Variants in NAE1 observed in about 807,000 individuals in gnomAD.
NAE1 encodes NEDD8-activating enzyme E1 regulatory subunit.
A neutral mutation model predicts 88.0 loss-of-function variants in NAE1; 59 were observed. The observed-to-expected ratio is 0.67, with a 90% CI of 0.54 to 0.83. NAE1 has a LOEUF of 0.83. NAE1 is among the 40% of genes least tolerant of loss of function. The pLI, the probability that NAE1 is intolerant of heterozygous loss-of-function variation, is 0.00. For synonymous variants in NAE1, 186 were observed against 208.9 expected, an observed-to-expected ratio of 0.89 and a Z score of 0.95; for missense variants, 554 against 632.8, an observed-to-expected ratio of 0.88 and a Z score of 1.34.
intron 17 of NAE1, among the ~76,000 whole-genome samples, chr16:66,807,644 G>GA (rs397932750): frequency 0.32 from 45,285 of 139,536 alleles, 8,066 homozygotes; most frequent in East Asian, 0.61. Context: ...CGTCTCAAAA[G>GA]AAAAAAAAAA....
At chr16:66,821,047 C>A (rs1395544696) in intron 7 of NAE1, among the ~76,000 whole-genome samples, 1 of 152,042 alleles carries the variant, frequency 6.6e-6, no homozygotes, top group African/African-American at 2.4e-5. Flanking sequence ...CCAGCCTGGG[C>A]AACAAGAGCG....
intron 13 of NAE1, among the ~76,000 whole-genome samples, chr16:66,811,462 C>T (rs995692077): frequency 1.3e-5 from 2 of 152,092 alleles, no homozygotes; most frequent in African/African-American, 4.8e-5. Flanking sequence ...ACCTTTTTAG[C>T]ATTGCCATAG....
chr16:66,812,771 G>A (rs1321732234), intron 13 of NAE1, among the ~76,000 whole-genome samples: 11 of 151,040 alleles, frequency 7.3e-5, no homozygotes, highest in Admixed American at 4.0e-4. Context: ...CACCCGTCTC[G>A]GCCTCCCGAA....
intron 6 of NAE1, among the ~76,000 whole-genome samples, chr16:66,821,775 A>T (rs1012202154): frequency 4.6e-5 from 7 of 152,228 alleles, no homozygotes; most frequent in African/African-American, 1.7e-4. Context: ...TTTGGACAAG[A>T]GGGATGTGAA....
In NAE1 at chr16:66,813,701, AAAG is replaced by A; in HGVS notation, c.901-7_901-5del. Reference sequence around the variant, plus strand: ...CTAAAATCCAAAATGATGGAGTCTAAAAGAATAAGAAAAAATTAACATTAAGTG... The same window carrying A: ...CTAAAATCCAAAATGATGGAGTCTAAAATAAGAAAAAATTAACATTAAGTG... On this transcript the variant is annotated splice_polypyrimidine_tract_variant and splice_region_variant and intron_variant, in intron 12 of 19. Transcript: ENST00000290810. 2 of 1,611,634 alleles carry A rather than the reference AAAG, an allele frequency of 1.2e-6. No homozygotes were observed. The highest frequency in any genetic ancestry group is 1.7e-4 in the Middle Eastern group (1 of 6,052).
At chr16:66,825,446 CAAA>C (rs1232878853) in intron 3 of NAE1, among the ~76,000 whole-genome samples, 5 of 75,102 alleles carry the variant, frequency 6.7e-5, no homozygotes, top group Admixed American at 1.5e-4. Flanking sequence ...GACTCCGTCT[CAAA>C]AAAAAAAAAA....
At chr16:66,815,662 C>CT (rs80325903) in intron 11 of NAE1, among the ~76,000 whole-genome samples, 2,720 of 139,206 alleles carry the variant, frequency 0.02, 47 homozygotes, top group South Asian at 0.09. Flanking sequence ...CCAGCAAACA[C>CT]TTTTTTTTTT....
chr16:66,818,538 A>T lies in NAE1; in HGVS notation c.611T>A (p.Met204Lys), dbSNP rs555207416. The change falls in exon 8 of 20, where the codon ATG (methionine) becomes AAG (lysine). Residue 204 changes from methionine (M) to lysine (K), a missense_variant. By Grantham distance (95) the Met-to-Lys change is moderately conservative. Coordinates refer to ENST00000290810, the MANE Select transcript of NAE1 (RefSeq NM_003905.4). ...EHFQSYDLDH[M>K]EKKDHSHTPW... is the part of the protein sequence containing the mutation. ...ACACACACTACCAACCTTTTTTTCCATATGATCCAAATCATAGGACTGAAA... is the reference window on the plus strand; with the variant it reads ...ACACACACTACCAACCTTTTTTTCCTTATGATCCAAATCATAGGACTGAAA... 9 of 1,605,344 alleles carry T rather than the reference A, an allele frequency of 5.6e-6. No individual in the cohort carries two copies. Among genetic ancestry groups the T allele is most frequent in the Admixed American group, 5.2e-5 (3 of 57,854 alleles).
intron 1 of NAE1, 50 bp from the exon 2 acceptor site, chr16:66,826,830 A>G (rs759055536): frequency 2.0e-5 from 31 of 1,521,632 alleles, no homozygotes; most frequent in Non-Finnish European, 2.8e-5. Context: ...ATGAAAATAC[A>G]GCTTTCTTAT....
rs897198385 is a variant in NAE1 at position 66,828,059 on chromosome 16, A to G, written c.54-1279T>C. 8.7e-6 allele frequency: 14 copies of G among 1,613,510 alleles called. No homozygotes were observed. In the African/African-American group the frequency reaches 1.9e-4, roughly 22 times the overall value. ...CTCCATAAGGGCCCAGACAGCTGTC[A>G]AATGTATGGAGGAATCGCCTAGAAG... On this transcript the variant is annotated intron_variant, in intron 1 of 19. Coordinates refer to ENST00000290810, the MANE Select transcript of NAE1 (RefSeq NM_003905.4).
intron 14 of NAE1, 48 bp downstream of exon 14, chr16:66,810,649 G>C: frequency 6.6e-7 from 1 of 1,525,136 alleles, no homozygotes. Context: ...TTTCTGGCTG[G>C]AGTTACGTGC....
At chr16:66,812,949 G>C (rs1002035954) in intron 13 of NAE1, among the ~76,000 whole-genome samples, 25 of 149,024 alleles carry the variant, frequency 1.7e-4, no homozygotes, top group Non-Finnish European at 1.6e-4. Flanking sequence ...CAGCCTCCCG[G>C]GTAGCTGGGA....
intron 19 of NAE1, among the ~76,000 whole-genome samples, chr16:66,805,083 G>A (rs768463222): frequency 5.5e-4 from 84 of 152,132 alleles, no homozygotes; most frequent in Admixed American, 2.8e-3. Flanking sequence ...AGAACATATA[G>A]GTTTTGGACA....
chr16:66,829,754 G>C (rs1283682112), intron 1 of NAE1, among the ~76,000 whole-genome samples: 1 of 152,184 alleles, frequency 6.6e-6, no homozygotes, highest in African/African-American at 2.4e-5. Context: ...AGTACCCAAG[G>C]ACCCTCCTGA....
chr16:66,817,085 GA>G (rs1383439258), intron 9 of NAE1, 57 bp from the exon 10 acceptor site: 30 of 1,543,914 alleles, frequency 1.9e-5, no homozygotes, highest in East Asian at 1.9e-4. Context: ...TACAGAAATT[GA>G]AAGTCTAAAG....
At chr16:66,807,089 T>C (rs1377636903) in intron 17 of NAE1, among the ~76,000 whole-genome samples, 1 of 152,186 alleles carries the variant, frequency 6.6e-6, no homozygotes. Flanking sequence ...TCTTCTTGCA[T>C]GTCTAACTCA....
Position 66,823,176 on chromosome 16 carries a change from A to C in NAE1, c.401+51T>G. ...ATAGACTGTGCAAAGAAAATAAAAC[A>C]ATGCAAATCTAATAAGATTAAAATA... is the stretch of plus-strand genomic sequence containing the variant. On this transcript the variant is annotated intron_variant, in intron 6 of 19. Coordinates refer to ENST00000290810, the MANE Select transcript of NAE1 (RefSeq NM_003905.4). 6 of 1,189,860 alleles carry C rather than the reference A, an allele frequency of 5.0e-6. No homozygotes were observed. The South Asian group carries it at 8.6e-5, about 17-fold the overall frequency. 73.7% of individuals were successfully genotyped at this position (1,189,860 alleles called of 1,614,324 possible).
At chr16:66,812,468 C>T (rs1375103612) in intron 13 of NAE1, among the ~76,000 whole-genome samples, 1 of 151,682 alleles carries the variant, frequency 6.6e-6, no homozygotes, top group Non-Finnish European at 1.5e-5. Flanking sequence ...TCTGTATTTC[C>T]CATTCAATTT....
chr16:66,809,136 A>G, intron 15 of NAE1, 61 bp from the exon 16 acceptor site: 1 of 1,308,978 alleles, frequency 7.6e-7, no homozygotes, highest in East Asian at 2.4e-5. Context: ...TATGAATCAC[A>G]GGTGACTTTA....
Sources: gnomAD v4.1 joint callset for allele counts (sites outside exome capture counted in the v4.1 genomes callset) on GRCh38, gnomAD v4.1.1 for gene constraint, MANE v1.5 for transcripts, NCBI Gene and HGNC (gene_info 2026-07-23, HGNC 2026-07-21) for gene names.